CPA6: variants seen among roughly 807,000 people sequenced by gnomAD.
CPA6 encodes the protein carboxypeptidase B.
A neutral mutation model predicts 63.3 loss-of-function variants in CPA6; 58 were observed. The ratio of observed to expected loss-of-function variants is 0.92; its 90% CI spans 0.74 to 1.14. The LOEUF is 1.14. CPA6 is among the 50% of genes most tolerant of loss of function. The pLI is 0.00. For synonymous variants in CPA6, 185 were observed against 179.0 expected (o/e 1.03, Z -0.27); for missense variants, 565 against 526.6 (o/e 1.07, Z -0.71).
intron 2 of CPA6, among the ~76,000 whole-genome samples, chr8:67,529,163 A>C (rs529897210): frequency 6.6e-6 from 1 of 151,140 alleles, no homozygotes; most frequent in Non-Finnish European, 1.5e-5. Context: ...CTTCCTATTT[A>C]AAAAAAAATG....
chr8:67,716,596 A>G (rs1817387472), intron 1 of CPA6, among the ~76,000 whole-genome samples: 1 of 152,224 alleles, frequency 6.6e-6, no homozygotes, highest in Non-Finnish European at 1.5e-5. Flanking sequence ...TCAAAGATGA[A>G]CAGAAGAATG....
intron 2 of CPA6, among the ~76,000 whole-genome samples, chr8:67,522,963 C>T (rs373474876): frequency 4.6e-5 from 7 of 152,138 alleles, no homozygotes; most frequent in Admixed American, 1.3e-4. Flanking sequence ...AAAGTGGTAC[C>T]GAAGGAATCC....
chr8:67,617,439 A>C (rs1408802270), intron 2 of CPA6, among the ~76,000 whole-genome samples: 2 of 152,228 alleles, frequency 1.3e-5, no homozygotes, highest in Non-Finnish European at 2.9e-5. Flanking sequence ...TACAGAAGGC[A>C]AAAGTCAGTG....
chr8:67,525,868 CA>C (rs1812351169), intron 2 of CPA6, among the ~76,000 whole-genome samples: 1 of 152,056 alleles, frequency 6.6e-6, no homozygotes, highest in African/African-American at 2.4e-5. Flanking sequence ...TGGAGACCCG[CA>C]AAAGCAGAGG....
chr8:67,650,717 G>T (rs1366486387), intron 1 of CPA6, among the ~76,000 whole-genome samples: 1 of 152,038 alleles, frequency 6.6e-6, no homozygotes, highest in African/African-American at 2.4e-5. Flanking sequence ...AAGAGGGATG[G>T]GAGACTGTCT....
chr8:67,707,715 T>A (rs1407796492), intron 1 of CPA6, among the ~76,000 whole-genome samples: 4 of 152,162 alleles, frequency 2.6e-5, no homozygotes, highest in South Asian at 2.1e-4. Context: ...AAGACCAGCC[T>A]GGCCAACATG....
chr8:67,495,247 C>T (rs1295390534), intron 6 of CPA6, among the ~76,000 whole-genome samples: 2 of 152,136 alleles, frequency 1.3e-5, no homozygotes, highest in Non-Finnish European at 2.9e-5. Flanking sequence ...ATCTTTGATC[C>T]ATCCTCCTCT....
chr8:67,685,525 A>C (rs1198855557), intron 1 of CPA6, among the ~76,000 whole-genome samples: 1 of 152,214 alleles, frequency 6.6e-6, no homozygotes, highest in Admixed American at 6.5e-5. Flanking sequence ...AGGCTGGGGC[A>C]GGAGAATGGC....
chr8:67,570,191 A>G (rs1375206007), intron 2 of CPA6: 2 of 152,192 alleles, frequency 1.3e-5, no homozygotes, highest in Admixed American at 6.5e-5. Context: ...TTCCTGTTAG[A>G]TAAAAAGGAA....
In CPA6 at chr8:67,446,609, T is replaced by G. The variant is rs545149261; in HGVS notation, c.839-12369A>C. 6.6e-5 allele frequency among the ~76,000 whole-genome samples: 10 copies of G among 152,304 alleles called. No homozygotes were observed. The South Asian group carries it at 2.1e-3, about 32-fold the overall frequency. ...TTATTTTATGTTTGACAGCAACTGG[T>G]CCCTGTGGAAATTGACTTGACAGTT... On this transcript the variant is annotated intron_variant, in intron 8 of 10. Coordinates refer to ENST00000297770, the MANE Select transcript of CPA6 (RefSeq NM_020361.5).
intron 3 of CPA6, among the ~76,000 whole-genome samples, chr8:67,512,143 A>G (rs73264784): frequency 0.066 from 10,003 of 152,276 alleles, 768 homozygotes; most frequent in African/African-American, 0.18. Context: ...CCAAGCCAGA[A>G]TTTGAACTTG....
intron 1 of CPA6, among the ~76,000 whole-genome samples, chr8:67,733,391 C>T (rs1424413814): frequency 6.6e-6 from 1 of 151,472 alleles, no homozygotes; most frequent in Non-Finnish European, 1.5e-5. Context: ...TGTCCAGGGA[C>T]ATGCTACACG....
At chr8:67,527,218 T>C (rs566090010) in intron 2 of CPA6, among the ~76,000 whole-genome samples, 1 of 152,384 alleles carries the variant, frequency 6.6e-6, no homozygotes, top group African/African-American at 2.4e-5. Context: ...AGTATTCCAT[T>C]TGGTGTTCTC....
chr8:67,545,993 C>A (rs548787592), intron 2 of CPA6, among the ~76,000 whole-genome samples: 1 of 152,170 alleles, frequency 6.6e-6, no homozygotes, highest in African/African-American at 2.4e-5. Flanking sequence ...CATCTCCTCT[C>A]CCAGTCACAC....
intron 1 of CPA6, among the ~76,000 whole-genome samples, chr8:67,657,637 T>C (rs1478898916): frequency 6.6e-6 from 1 of 152,210 alleles, no homozygotes; most frequent in Non-Finnish European, 1.5e-5. Context: ...CAAATGTCTG[T>C]TGAATCAAAG....
chr8:67,690,431 GA>G (rs1816793036), intron 1 of CPA6, among the ~76,000 whole-genome samples: 1 of 152,156 alleles, frequency 6.6e-6, no homozygotes, highest in South Asian at 2.1e-4. Context: ...AATTTGTTGA[GA>G]AATTTGGTTC....
At chr8:67,456,544 A>C (rs1389248711) in intron 8 of CPA6, among the ~76,000 whole-genome samples, 1 of 152,206 alleles carries the variant, frequency 6.6e-6, no homozygotes, top group Non-Finnish European at 1.5e-5. Flanking sequence ...TCCCAAGTTA[A>C]TTTTGCTAAA....
At chr8:67,620,658 T>A (rs1815058421) in intron 2 of CPA6, among the ~76,000 whole-genome samples, 1 of 152,232 alleles carries the variant, frequency 6.6e-6, no homozygotes, top group African/African-American at 2.4e-5. Flanking sequence ...AATTGCTGCT[T>A]TCCATAGTAC....
intron 2 of CPA6, among the ~76,000 whole-genome samples, chr8:67,565,689 G>GT (rs1813321306): frequency 6.6e-6 from 1 of 152,154 alleles, no homozygotes; most frequent in Admixed American, 6.5e-5. Flanking sequence ...AAACTGTTTA[G>GT]TTTTTTTCCC....
Sources: gnomAD v4.1 joint callset for allele counts (sites outside exome capture counted in the v4.1 genomes callset) on GRCh38, gnomAD v4.1.1 for gene constraint, MANE v1.5 for transcripts, NCBI Gene and HGNC (gene_info 2026-07-23, HGNC 2026-07-21) for gene names.